MC2R: variants seen among roughly 807,000 people sequenced by gnomAD.
MC2R encodes the protein melanocortin 2 receptor.
MC2R carries 9 observed loss-of-function variants against 9.8 expected under a neutral mutation model. The observed-to-expected ratio is 0.92, with a 90% CI of 0.55 to 1.60. The LOEUF (loss-of-function observed/expected upper bound fraction) is 1.60. MC2R is among the 40% of genes most tolerant of loss of function. The pLI, the probability that MC2R is intolerant of heterozygous loss-of-function variation, is 0.00. For missense variants in MC2R, 370 were observed against 389.0 expected (o/e 0.95, Z 0.41); for synonymous variants, 185 against 154.7 (o/e 1.20, Z -1.45).
At chr18:13,898,129 C>G (rs1006675219) in intron 1 of MC2R, among the ~76,000 whole-genome samples, 3 of 152,082 alleles carry the variant, frequency 2.0e-5, no homozygotes, top group African/African-American at 7.2e-5. Flanking sequence ...CAGCCCTGGG[C>G]CAGAGGTGAG....
rs549577287 is a variant in MC2R, at chr18:13,910,208, T to C, written c.-129+5280A>G. ...TTCCCATTGAATTGCTTTTGTGCCT[T>C]TGTTGAAATCACCTGGCTATATTTG... On this transcript the variant is annotated intron_variant, in intron 1 of 1. Coordinates refer to ENST00000327606, the MANE Select transcript of MC2R (RefSeq NM_000529.2). Among the ~76,000 whole-genome samples the C allele has an allele frequency of 5.9e-5, 9 of 152,348 alleles. No individual in the cohort carries two copies. The East Asian group carries it at 1.7e-3, about 29-fold the overall frequency.
At chr18:13,904,230 A>AG (rs1555620814) in intron 1 of MC2R, among the ~76,000 whole-genome samples, 2 of 150,208 alleles carry the variant, frequency 1.3e-5, no homozygotes, top group Admixed American at 1.3e-4. Context: ...AAAAAAAAAA[A>AG]CTTAGGCAGG....
intron 1 of MC2R, among the ~76,000 whole-genome samples, chr18:13,888,147 A>AT (rs1391993136): frequency 1.3e-5 from 2 of 151,892 alleles, no homozygotes; most frequent in Admixed American, 6.6e-5. Flanking sequence ...TGGTTGTAAT[A>AT]TTTTTTTAGA....
At chr18:13,911,228 G>A (rs2045442559) in intron 1 of MC2R, among the ~76,000 whole-genome samples, 1 of 152,164 alleles carries the variant, frequency 6.6e-6, no homozygotes, top group African/African-American at 2.4e-5. Flanking sequence ...AGGGGCCGGA[G>A]TGTCAGGGAG....
intron 1 of MC2R, among the ~76,000 whole-genome samples, chr18:13,887,217 T>G (rs2045281765): frequency 8.2e-6 from 1 of 121,248 alleles, no homozygotes; most frequent in Non-Finnish European, 1.8e-5. Flanking sequence ...TGGGGAAGCC[T>G]CGGGGATGGG....
At chr18:13,892,650 C>G (rs1053061841) in intron 1 of MC2R, among the ~76,000 whole-genome samples, 2 of 151,768 alleles carry the variant, frequency 1.3e-5, no homozygotes, top group Admixed American at 6.6e-5. Context: ...TTTCTTCAGA[C>G]AGGGTCAGAA....
At chr18:13,897,320 C>T (rs914656830) in intron 1 of MC2R, among the ~76,000 whole-genome samples, 2 of 152,174 alleles carry the variant, frequency 1.3e-5, no homozygotes, top group African/African-American at 4.8e-5. Flanking sequence ...GTCTTTAGAC[C>T]AGCCCTAGCC....
chr18:13,893,179 T>C lies in MC2R; in HGVS notation c.-128-7533A>G, dbSNP rs144294914. Among the ~76,000 whole-genome samples the C allele has an allele frequency of 9.9e-3, 1,502 of 152,336 alleles. 16 individuals are homozygous for C. Among genetic ancestry groups the C allele is most frequent in the Non-Finnish European group, 0.014 (974 of 68,030 alleles). On this transcript the variant is annotated intron_variant, in intron 1 of 1. Coordinates refer to ENST00000327606, the MANE Select transcript of MC2R (RefSeq NM_000529.2). ...GTGATGGCTTCCACCCAATTTCTTA[T>C]TTGGTTGAATTCTGAACGACATCCG... is the stretch of plus-strand genomic sequence containing the variant.
At chr18:13,901,813 A>G (rs1326724577) in intron 1 of MC2R, among the ~76,000 whole-genome samples, 3 of 152,170 alleles carry the variant, frequency 2.0e-5, no homozygotes, top group Non-Finnish European at 4.4e-5. Flanking sequence ...TTAAAGAAGA[A>G]CTAGTACCAA....
In MC2R at chr18:13,882,454, G is replaced by C. The variant is rs187958294; in HGVS notation, c.*2171C>G. 1 of 152,316 alleles carries C rather than the reference G, an allele frequency of 6.6e-6. No individual in the cohort carries two copies. The highest frequency in any genetic ancestry group is 1.9e-4 in the East Asian group (1 of 5,182). The allele number at this position is 152,316 out of a possible 1,614,324, so 9.4% of individuals were successfully genotyped here. A position where few individuals can be genotyped will look rare whatever the true frequency, so the allele number is the denominator to read the frequency against. On this transcript the variant is annotated 3_prime_UTR_variant, in exon 2 of 2. Coordinates refer to ENST00000327606, the MANE Select transcript of MC2R (RefSeq NM_000529.2). ...TTCATTTTTGTTTCATCCACCATTA[G>C]ACTAGCCATCTTCATTTTGTTTCTT...
intron 1 of MC2R, among the ~76,000 whole-genome samples, chr18:13,887,753 C>A (rs1398256221): frequency 2.0e-5 from 3 of 152,170 alleles, no homozygotes; most frequent in African/African-American, 7.2e-5. Context: ...TCTCTTCCTG[C>A]CTTCGGACTA....
intron 1 of MC2R, among the ~76,000 whole-genome samples, chr18:13,891,278 A>G (rs1331771854): frequency 6.6e-6 from 1 of 152,118 alleles, no homozygotes; most frequent in Non-Finnish European, 1.5e-5. Context: ...TCCTTCTTCC[A>G]CTGCATGGTA....
intron 1 of MC2R, among the ~76,000 whole-genome samples, chr18:13,904,006 T>G (rs2045396186): frequency 6.6e-6 from 1 of 151,828 alleles, no homozygotes; most frequent in African/African-American, 2.4e-5. Flanking sequence ...TTTTTTCATT[T>G]CCACAGATGT....
chr18:13,911,353 C>T (rs2045443376), intron 1 of MC2R, among the ~76,000 whole-genome samples: 1 of 152,200 alleles, frequency 6.6e-6, no homozygotes, highest in Admixed American at 6.5e-5. Context: ...TGCACAGTCC[C>T]ATTTTCATTC....
chr18:13,897,053 CA>C, intron 1 of MC2R, among the ~76,000 whole-genome samples: 1 of 152,222 alleles, frequency 6.6e-6, no homozygotes, highest in African/African-American at 2.4e-5. Context: ...TCATAAGAGC[CA>C]AAAATCAGGC....
At chr18:13,899,378 T>C (rs1489717770) in intron 1 of MC2R, among the ~76,000 whole-genome samples, 1 of 152,022 alleles carries the variant, frequency 6.6e-6, no homozygotes, top group Non-Finnish European at 1.5e-5. Context: ...GAAAATAGCC[T>C]CAAAAGAGCA....
At chr18:13,909,517 T>C (rs1476097973) in intron 1 of MC2R, among the ~76,000 whole-genome samples, 2 of 152,254 alleles carry the variant, frequency 1.3e-5, no homozygotes, top group African/African-American at 4.8e-5. Flanking sequence ...CATAATCCAT[T>C]TGGAGTTCTT....
chr18:13,900,680 T>C (rs1385875508), intron 1 of MC2R, among the ~76,000 whole-genome samples: 1 of 152,066 alleles, frequency 6.6e-6, no homozygotes, highest in Non-Finnish European at 1.5e-5. Context: ...GACAAAGGTG[T>C]CAATTTAGCA....
At chr18:13,907,845 A>T (rs1163654775) in intron 1 of MC2R, among the ~76,000 whole-genome samples, 2 of 152,182 alleles carry the variant, frequency 1.3e-5, no homozygotes, top group East Asian at 3.8e-4. Context: ...ATCTCACCCC[A>T]GTTAAAATGG....
Sources: allele counts gnomAD v4.1 joint callset (sites outside exome capture counted in the v4.1 genomes callset), GRCh38; gene constraint gnomAD v4.1.1; transcripts MANE v1.5; gene names NCBI Gene and HGNC (gene_info 2026-07-23, HGNC 2026-07-21).